The following ESRP1 variants were observed in gnomAD, a reference collection of about 807,000 sequenced individuals.
The protein encoded by ESRP1 is RNA-binding motif protein 35A.
ESRP1 carries 33 observed loss-of-function variants against 81.7 expected under a neutral mutation model. The ratio of observed to expected loss-of-function variants is 0.40; its 90% CI spans 0.31 to 0.54. The LOEUF is 0.54. Ranked by LOEUF, ESRP1 falls within the 20% of genes least tolerant of loss-of-function variation. The probability of loss-of-function intolerance (pLI) is 0.41; values close to 1 mark genes in which losing one functional copy is unlikely to be tolerated. For missense variants in ESRP1, 672 were observed against 833.1 expected, an observed-to-expected ratio of 0.81 and a Z score of 2.38; for synonymous variants, 320 against 303.3, an observed-to-expected ratio of 1.06 and a Z score of -0.57.
chr8:94,644,109 A>G (rs756979058), intron 3 of ESRP1, among the ~76,000 whole-genome samples: 2 of 152,208 alleles, frequency 1.3e-5, no homozygotes, highest in Non-Finnish European at 2.9e-5. Context: ...GAGTGAGAGA[A>G]ATACAGTCTT....
At chr8:94,699,798 T>C (rs752032760) in intron 15 of ESRP1, among the ~76,000 whole-genome samples, 13 of 152,252 alleles carry the variant, frequency 8.5e-5, no homozygotes, top group Non-Finnish European at 1.9e-4. Context: ...TCACTAATAA[T>C]CTCACCACCC....
rs1031375794 is a variant in ESRP1, at chr8:94,648,781, G to A, written c.490+2499G>A. ...GTTGAAGTGTTTAATTTTTTTTGTCGTGAAATACTTGTATCCTTGATTGGT... is the reference window on the plus strand; with the variant it reads ...GTTGAAGTGTTTAATTTTTTTTGTCATGAAATACTTGTATCCTTGATTGGT... On this transcript the variant is annotated intron_variant, in intron 4 of 15. Coordinates refer to ENST00000433389, the MANE Select transcript of ESRP1 (RefSeq NM_017697.4). Among the ~76,000 whole-genome samples the A allele has an allele frequency of 5.3e-5, 8 of 152,230 alleles. No homozygotes were observed. The East Asian group carries it at 1.2e-3, about 22-fold the overall frequency.
chr8:94,679,370 G>A (rs1428028006), intron 13 of ESRP1, among the ~76,000 whole-genome samples: 2 of 152,174 alleles, frequency 1.3e-5, no homozygotes, highest in Non-Finnish European at 2.9e-5. Context: ...TGCCAGACAC[G>A]TAGCCCAGCC....
At chr8:94,693,099 A>G (rs1809470055) in intron 14 of ESRP1, among the ~76,000 whole-genome samples, 1 of 152,206 alleles carries the variant, frequency 6.6e-6, no homozygotes, top group African/African-American at 2.4e-5. Flanking sequence ...ACTTTGGGAA[A>G]GCTCTTTAGG....
At chr8:94,671,284 A>G (rs1819308398) in intron 10 of ESRP1, among the ~76,000 whole-genome samples, 169 bp from the exon 11 acceptor site, 1 of 152,212 alleles carries the variant, frequency 6.6e-6, no homozygotes, top group Admixed American at 6.5e-5. Context: ...ACTTGCATGT[A>G]CTTCTGAATC....
At chr8:94,685,151 G>A (rs1809088119) in intron 13 of ESRP1, among the ~76,000 whole-genome samples, 2 of 151,838 alleles carry the variant, frequency 1.3e-5, no homozygotes, top group Admixed American at 1.3e-4. Flanking sequence ...TATTACCAAT[G>A]TTTGTATTTT....
chr8:94,662,700 C>G (rs943972997), intron 6 of ESRP1, 145 bp downstream of exon 6: 3 of 645,556 alleles, frequency 4.6e-6, no homozygotes, highest in African/African-American at 1.9e-5. Flanking sequence ...CTCCGCCTCC[C>G]GGGTTCATGC....
intron 9 of ESRP1, among the ~76,000 whole-genome samples, chr8:94,666,914 T>G (rs1269991299): frequency 6.6e-6 from 1 of 152,152 alleles, no homozygotes; most frequent in Admixed American, 6.5e-5. Context: ...AAGAATTTGC[T>G]ATTAGGGGCT....
At chr8:94,703,092 CCTT>C (rs1809904329) in intron 15 of ESRP1, among the ~76,000 whole-genome samples, 2 of 146,304 alleles carry the variant, frequency 1.4e-5, no homozygotes, top group East Asian at 4.0e-4. Context: ...AACATTATCT[CCTT>C]CTGAGATTGA....
chr8:94,680,233 T>C (rs1808819581), intron 13 of ESRP1, among the ~76,000 whole-genome samples: 1 of 152,192 alleles, frequency 6.6e-6, no homozygotes, highest in Non-Finnish European at 1.5e-5. Flanking sequence ...GTGCGTTATA[T>C]ATAAGCTAAT....
At chr8:94,691,096 T>A (rs542604373) in intron 13 of ESRP1, among the ~76,000 whole-genome samples, 2 of 152,224 alleles carry the variant, frequency 1.3e-5, no homozygotes, top group African/African-American at 4.8e-5. Context: ...ACCAAAAGTT[T>A]AGCATTTCTT....
chr8:94,705,918 T>TC lies in ESRP1; in HGVS notation c.*36-7_*36-6insC. ...CTTTTATTCACTTTTTTTTTTTTTT[T>TC]TTTCAGTGTTTGAAAGATGTATGGT... On this transcript the variant is annotated splice_region_variant and splice_polypyrimidine_tract_variant and intron_variant, in intron 15 of 15. Coordinates refer to ENST00000433389, the MANE Select transcript of ESRP1 (RefSeq NM_017697.4). The TC allele has an allele frequency of 1.4e-6, 2 of 1,476,818 alleles. No individual in the cohort carries two copies. The highest frequency in any genetic ancestry group is 1.8e-6 in the Non-Finnish European group (2 of 1,103,548). 91.5% of individuals were successfully genotyped at this position (1,476,818 alleles called of 1,614,324 possible).
At chr8:94,695,371 T>TTC (rs1351009238) in intron 14 of ESRP1, among the ~76,000 whole-genome samples, 1,570 of 111,926 alleles carry the variant, frequency 0.014, 101 homozygotes, top group African/African-American at 0.045. Context: ...TTTTTTTTTT[T>TTC]TGAGACGGAG....
intron 6 of ESRP1, among the ~76,000 whole-genome samples, chr8:94,663,236 A>G (rs900728744): frequency 5.3e-5 from 8 of 152,204 alleles, no homozygotes; most frequent in Admixed American, 3.9e-4. Context: ...TACATTCTAT[A>G]AGTACATTTA....
chr8:94,669,018 T>A (rs1214835043), intron 10 of ESRP1, among the ~76,000 whole-genome samples: 1 of 152,098 alleles, frequency 6.6e-6, no homozygotes, highest in African/African-American at 2.4e-5. Flanking sequence ...ACTCCTGACC[T>A]CAGATGATCT....
At chr8:94,694,471 G>A (rs1437814744) in intron 14 of ESRP1, among the ~76,000 whole-genome samples, 2 of 152,164 alleles carry the variant, frequency 1.3e-5, no homozygotes, top group Non-Finnish European at 2.9e-5. Flanking sequence ...AGGCGTGGTG[G>A]CATTCGCCTG....
At chr8:94,705,192 G>A (rs1810022257) in intron 15 of ESRP1, among the ~76,000 whole-genome samples, 1 of 106,560 alleles carries the variant, frequency 9.4e-6, no homozygotes, top group Non-Finnish European at 1.7e-5. Context: ...TTTTGAGACA[G>A]AGTCTCCCTC....
intron 15 of ESRP1, among the ~76,000 whole-genome samples, chr8:94,704,524 G>C (rs1430477936): frequency 6.6e-6 from 1 of 152,020 alleles, no homozygotes; most frequent in African/African-American, 2.4e-5. Context: ...AGCACTTTGA[G>C]AGGTCAAGGC....
chr8:94,661,917 T>A (rs1818769408), intron 4 of ESRP1, among the ~76,000 whole-genome samples: 1 of 152,208 alleles, frequency 6.6e-6, no homozygotes, highest in Non-Finnish European at 1.5e-5. Flanking sequence ...GTCGGCATGG[T>A]CATTGCCTTG....
Sources: allele counts gnomAD v4.1 joint callset (sites outside exome capture counted in the v4.1 genomes callset), GRCh38; gene constraint gnomAD v4.1.1; transcripts MANE v1.5; gene names NCBI Gene and HGNC (gene_info 2026-07-23, HGNC 2026-07-21).